Variants in ARHGEF17 observed in about 807,000 individuals in gnomAD.
ARHGEF17 encodes Rho guanine nucleotide exchange factor 17.
Under a neutral mutation model 174.0 loss-of-function variants are expected in ARHGEF17, and 80 were observed. The ratio of observed to expected loss-of-function variants is 0.46; its 90% CI spans 0.38 to 0.55. The LOEUF (loss-of-function observed/expected upper bound fraction) is 0.55. Ranked by LOEUF, ARHGEF17 falls within the 20% of genes least tolerant of loss-of-function variation. The pLI is 0.00. For missense variants in ARHGEF17, 2,886 were observed against 2,839.7 expected (o/e 1.02, Z -0.37); for synonymous variants, 1,311 against 1,189.1 (o/e 1.10, Z -2.11).
chr11:73,352,438 C>T (rs1241502123), intron 2 of ARHGEF17, among the ~76,000 whole-genome samples: 4 of 152,204 alleles, frequency 2.6e-5, no homozygotes, highest in Non-Finnish European at 2.9e-5. Context: ...TGTGGTCTTT[C>T]TTATACATTG....
chr11:73,346,994 CT>C (rs772383564), intron 2 of ARHGEF17, 34 bp downstream of exon 2: 14 of 1,575,694 alleles, frequency 8.9e-6, no homozygotes, highest in Non-Finnish European at 1.2e-5. Context: ...TGAGAATGGC[CT>C]TTCTGAGCCT....
Position 73,311,551 on chromosome 11 carries a change from G to A in ARHGEF17, c.2913G>A (p.Val971=), listed in dbSNP as rs1275940000. ...SVPATFMPIV[V]PEPPTSVGPP... Reference sequence around the variant, plus strand: ...CCGCCACATTTATGCCTATTGTGGTGCCTGAGCCACCAACTTCTGTTGGTC... The same window carrying A: ...CCGCCACATTTATGCCTATTGTGGTACCTGAGCCACCAACTTCTGTTGGTC... Residue 971 remains valine (V), a synonymous_variant, in exon 1 of 21, where the codon GTG becomes GTA. Coordinates refer to ENST00000263674, the MANE Select transcript of ARHGEF17 (RefSeq NM_014786.4). 9 of 1,613,594 alleles carry A rather than the reference G, an allele frequency of 5.6e-6. 1 individual carries two copies. The highest frequency in any genetic ancestry group is 4.0e-5 in the African/African-American group (3 of 75,050).
At chr11:73,345,030 T>G (rs1048208464) in intron 1 of ARHGEF17, among the ~76,000 whole-genome samples, 1 of 152,192 alleles carries the variant, frequency 6.6e-6, no homozygotes, top group African/African-American at 2.4e-5. Context: ...ACCATGTCTG[T>G]GGGGTGCTGA....
rs149459553 is a variant in ARHGEF17, at chr11:73,309,846, A to G, written c.1208A>G (p.Asp403Gly). ...YSSTETLKDD[D>G]LWSSRGSGGW... is the part of the protein sequence containing the mutation. ...AGCACGGAGACCCTCAAGGACGACG[A>G]CCTATGGTCTAGTAGGGGTTCTGGG... The change falls in exon 1 of 21, where the codon GAC becomes GGC. Residue 403 changes from aspartate (D) to glycine (G), a missense_variant. Asp to Gly is a moderately conservative substitution (Grantham distance 94, BLOSUM62 -1). This residue lies in a region of ARHGEF17 where 1,728 missense variants were observed against 1,461.2 expected (regional missense o/e 1.18). Coordinates refer to ENST00000263674, the MANE Select transcript of ARHGEF17 (RefSeq NM_014786.4). 34 of 1,612,936 alleles carry G rather than the reference A, an allele frequency of 2.1e-5. No individual in the cohort carries two copies. Among genetic ancestry groups the G allele is most frequent in the Non-Finnish European group, 2.9e-5 (34 of 1,180,004 alleles).
Position 73,365,729 on chromosome 11 carries a change from C to T in ARHGEF17, c.5777C>T (p.Ala1926Val). The part of the protein sequence containing the change: ...QHKAACLRIT[A>V]LLVCEELLWV... ...AAGGCTGCCTGTCTGCGAATCACAG[C>T]GCTGCTGGTGTGTGAGGAGCTGCTG... The change falls in exon 20 of 21, where the codon GCG becomes GTG. Residue 1926 changes from alanine (A) to valine (V), a missense_variant. Around this residue, in one of 4 missense-constraint regions of ARHGEF17, gnomAD observed 329 missense variants for 435.2 expected, o/e 0.76. Coordinates refer to ENST00000263674, the MANE Select transcript of ARHGEF17 (RefSeq NM_014786.4). This position sits in a 1 kb window ranked among gnomAD's most constrained non-coding sequence, Gnocchi z 4.9. The T allele has an allele frequency of 1.2e-6, 2 of 1,613,718 alleles. No homozygotes were observed. Among genetic ancestry groups the T allele is most frequent in the Non-Finnish European group, 1.7e-6 (2 of 1,180,026 alleles).
chr11:73,321,978 G>T (rs1053756856), intron 1 of ARHGEF17, among the ~76,000 whole-genome samples: 15 of 152,312 alleles, frequency 9.8e-5, no homozygotes, highest in Non-Finnish European at 1.9e-4. Context: ...GGAGCAGGAA[G>T]CGGGGAGGCA....
intron 12 of ARHGEF17, among the ~76,000 whole-genome samples, chr11:73,361,814 A>C (rs1865742401): frequency 6.6e-6 from 1 of 151,314 alleles, no homozygotes; most frequent in Non-Finnish European, 1.5e-5. Flanking sequence ...TGAACCCACC[A>C]CTGCACCCCA....
chr11:73,353,350 T>G (rs191952268), intron 3 of ARHGEF17: 1 of 361,290 alleles, frequency 2.8e-6, no homozygotes, highest in East Asian at 5.4e-5. Context: ...AGACCTCAGA[T>G]GGATGCTGGT....
intron 1 of ARHGEF17, among the ~76,000 whole-genome samples, chr11:73,334,842 G>C (rs567339153): frequency 6.6e-6 from 1 of 152,236 alleles, no homozygotes; most frequent in East Asian, 1.9e-4. Flanking sequence ...CACGATCCCA[G>C]CCCCCCTGCA....
At chr11:73,350,238 C>G (rs1366526215) in intron 2 of ARHGEF17, among the ~76,000 whole-genome samples, 1 of 152,210 alleles carries the variant, frequency 6.6e-6, no homozygotes, top group African/African-American at 2.4e-5. Context: ...CAGGGTCATC[C>G]ATCTAGTGAG....
chr11:73,319,520 G>A (rs1864981829), intron 1 of ARHGEF17, among the ~76,000 whole-genome samples: 1 of 152,198 alleles, frequency 6.6e-6, no homozygotes, highest in South Asian at 2.1e-4. Flanking sequence ...TTAGCATGAG[G>A]ATGTAATGCC....
Position 73,310,678 on chromosome 11 carries a change from C to A in ARHGEF17, c.2040C>A (p.His680Gln). ...PLSSSSAQTN[H>Q]HGPGTEDSLG... ...CCTCATCCTCGGCCCAGACGAACCA[C>A]CATGGCCCTGGGACTGAGGACAGTC... The change falls in exon 1 of 21, where the codon CAC becomes CAA. Residue 680 changes from histidine to glutamine, a missense_variant. This residue lies in a region of ARHGEF17 where 1,728 missense variants were observed against 1,461.2 expected (regional missense o/e 1.18). Transcript: ENST00000263674. The A allele has an allele frequency of 6.2e-7, 1 of 1,613,894 alleles. No individual in the cohort carries two copies. The highest frequency in any genetic ancestry group is 8.5e-7 in the Non-Finnish European group (1 of 1,180,018).
intron 1 of ARHGEF17, chr11:73,343,164 C>G: frequency 2.5e-6 from 1 of 397,368 alleles, no homozygotes; most frequent in Non-Finnish European, 4.4e-6. Context: ...GGTGAAGACC[C>G]TGGCCCAGTT....
At chr11:73,363,542 A>G in intron 15 of ARHGEF17, 87 bp downstream of exon 15, 1 of 1,540,572 alleles carries the variant, frequency 6.5e-7, no homozygotes, top group Non-Finnish European at 8.8e-7. Flanking sequence ...GAGCCAAGGC[A>G]GGAGGGCTTT....
In ARHGEF17 at chr11:73,359,554, CCACCATTT is replaced by C. The variant is rs542920633; in HGVS notation, c.4088-277_4088-270del. Among the ~76,000 whole-genome samples, 12 of 152,348 alleles carry C rather than the reference CCACCATTT, an allele frequency of 7.9e-5. No homozygotes were observed. In the South Asian group the frequency reaches 1.7e-3, roughly 21 times the overall value. On this transcript the variant is annotated intron_variant, in intron 9 of 20. Transcript: ENST00000263674. ...CAGGGCCTGTGTATCGCAGAGCCAG[CCACCATTT>C]CATACTCCATGCTCTCCTGGGAATT...
chr11:73,331,185 T>G (rs1865197564), intron 1 of ARHGEF17, among the ~76,000 whole-genome samples: 1 of 152,198 alleles, frequency 6.6e-6, no homozygotes, highest in African/African-American at 2.4e-5. Flanking sequence ...GACCTTGGAT[T>G]GAGTCCCTGT....
chr11:73,367,497 C>T, intron 20 of ARHGEF17, 87 bp from the exon 21 acceptor site: 2 of 1,184,224 alleles, frequency 1.7e-6, no homozygotes, highest in East Asian at 2.4e-5. Flanking sequence ...TCCTTCCTAT[C>T]TTCTGGGGTG....
Position 73,365,456 on chromosome 11 carries a change from G to C in ARHGEF17, c.5617G>C (p.Val1873Leu). Reference protein sequence around the residue: ...VACMVDSSLGVWVTLKGSAHV... With the variant: ...VACMVDSSLGLWVTLKGSAHV... The stretch of plus-strand genomic sequence containing the variant: ...TTGCATGGTGGACTCCAGCCTGGGT[G>C]TGTGGGTGACATTGAAAGGTAGTGC... Residue 1873 changes from valine to leucine, a missense_variant, in exon 19 of 21, where the codon GTG becomes CTG. Physicochemically the swap from Val to Leu is conservative, Grantham distance 32 (BLOSUM62 1). Around this residue, in one of 4 missense-constraint regions of ARHGEF17, gnomAD observed 329 missense variants for 435.2 expected, o/e 0.76. Transcript: ENST00000263674. This position sits in a 1 kb window ranked among gnomAD's most constrained non-coding sequence, Gnocchi z 4.9. 2.5e-6 allele frequency: 4 copies of C among 1,614,044 alleles called. No homozygotes were observed. The highest frequency in any genetic ancestry group is 3.4e-6 in the Non-Finnish European group (4 of 1,180,034).
At chr11:73,361,902 G>T in intron 12 of ARHGEF17, 138 bp from the exon 13 acceptor site, 3 of 913,084 alleles carry the variant, frequency 3.3e-6, no homozygotes, top group Non-Finnish European at 4.9e-6. Flanking sequence ...CGCGTGTGTA[G>T]AAGGGTGTAT....
Sources: allele counts gnomAD v4.1 joint callset (sites outside exome capture counted in the v4.1 genomes callset), GRCh38; gene constraint gnomAD v4.1.1; regional missense constraint gnomAD v4.1.1; non-coding constraint Gnocchi (gnomAD v3.1); transcripts MANE v1.5; gene names NCBI Gene and HGNC (gene_info 2026-07-23, HGNC 2026-07-21).